DCC: variants seen among roughly 807,000 people sequenced by gnomAD.
DCC encodes the protein DCC netrin 1 receptor, also known as netrin receptor DCC.
A neutral mutation model predicts 172.5 loss-of-function variants in DCC; 58 were observed. The ratio of observed to expected loss-of-function variants is 0.34; its 90% CI spans 0.27 to 0.42. The LOEUF is 0.42. Ranked by LOEUF, DCC falls within the 10% of genes least tolerant of loss-of-function variation. The pLI, the probability that DCC is intolerant of heterozygous loss-of-function variation, is 1.00. For missense variants in DCC, 1,740 were observed against 1,791.0 expected (o/e 0.97, Z 0.51); for synonymous variants, 709 against 644.5 (o/e 1.10, Z -1.52).
chr18:52,777,156 G>T (rs548813878), intron 2 of DCC, among the ~76,000 whole-genome samples: 1 of 152,070 alleles, frequency 6.6e-6, no homozygotes, highest in Non-Finnish European at 1.5e-5. Context: ...CATCTGCCTC[G>T]CTAGTCTCAT....
At chr18:52,598,451 A>G (rs1240590572) in intron 1 of DCC, among the ~76,000 whole-genome samples, 2 of 152,192 alleles carry the variant, frequency 1.3e-5, no homozygotes, top group African/African-American at 4.8e-5. Flanking sequence ...TAAGAATTGC[A>G]TGGAGGCCCA....
At chr18:52,844,285 ATGAT>A (rs1197540274) in intron 2 of DCC, among the ~76,000 whole-genome samples, 2 of 149,156 alleles carry the variant, frequency 1.3e-5, no homozygotes, top group African/African-American at 2.5e-5. Flanking sequence ...GTTAAGAAGG[ATGAT>A]TGATTGATAG....
At chr18:52,591,787 C>CTTTTTTTTTTTTTTTT (rs370150482) in intron 1 of DCC, among the ~76,000 whole-genome samples, 1 of 125,138 alleles carries the variant, frequency 8.0e-6, no homozygotes. Flanking sequence ...TTATTTATTT[C>CTTTTTTTTTTTTTTTT]TTTTTTTTTT....
intron 5 of DCC, among the ~76,000 whole-genome samples, chr18:52,965,582 GT>G (rs1303249594): frequency 6.6e-6 from 1 of 151,924 alleles, no homozygotes. Flanking sequence ...TAATTTTTGT[GT>G]TTTTTTCTTT....
At chr18:53,461,164 G>A (rs563301452) in intron 24 of DCC, among the ~76,000 whole-genome samples, 53 of 152,270 alleles carry the variant, frequency 3.5e-4, no homozygotes, top group Non-Finnish European at 6.9e-4. Flanking sequence ...TGCGTTCATT[G>A]TAGATTCTGG....
At position 53,081,717 on chromosome 18, in the gene DCC, C is replaced by A. The variant is rs964708564; in HGVS notation, c.1261+15551C>A. 2.0e-5 allele frequency among the ~76,000 whole-genome samples: 3 copies of A among 152,060 alleles called. No individual in the cohort carries two copies. The East Asian group carries it at 5.8e-4, about 29-fold the overall frequency. On this transcript the variant is annotated intron_variant, in intron 7 of 28. Transcript: ENST00000442544. The stretch of plus-strand genomic sequence containing the variant: ...GCTTGTAAGCAGGCCCCCGCTTTTT[C>A]TATCTCGGGTGGCCAAATTATGTGT...
At chr18:52,666,853 C>A (rs1053375769) in intron 1 of DCC, among the ~76,000 whole-genome samples, 2 of 152,100 alleles carry the variant, frequency 1.3e-5, no homozygotes, top group Non-Finnish European at 2.9e-5. Context: ...ATACTTTTTT[C>A]CCCAGAAAAT....
At chr18:52,890,177 G>T (rs2039627674) in intron 2 of DCC, among the ~76,000 whole-genome samples, 2 of 152,146 alleles carry the variant, frequency 1.3e-5, no homozygotes, top group Non-Finnish European at 2.9e-5. Flanking sequence ...TATTTTAGCT[G>T]TGCATTCAAC....
At chr18:52,917,217 G>A (rs550010663) in intron 3 of DCC, among the ~76,000 whole-genome samples, 2 of 152,182 alleles carry the variant, frequency 1.3e-5, no homozygotes, top group African/African-American at 4.8e-5. Context: ...CTATTTGGGA[G>A]GCTGAGGTGG....
At chr18:53,102,013 C>T (rs906398800) in intron 7 of DCC, among the ~76,000 whole-genome samples, 12 of 152,060 alleles carry the variant, frequency 7.9e-5, no homozygotes, top group African/African-American at 2.7e-4. Flanking sequence ...GCAGGCCCTG[C>T]ATTAAGGCAA....
intron 1 of DCC, among the ~76,000 whole-genome samples, chr18:52,747,480 G>A (rs2036923985): frequency 6.6e-6 from 1 of 152,160 alleles, no homozygotes; most frequent in East Asian, 1.9e-4. Flanking sequence ...GTTTAGTTTT[G>A]ATTCTCAAAA....
intron 1 of DCC, among the ~76,000 whole-genome samples, chr18:52,369,881 A>G (rs567252737): frequency 6.6e-6 from 1 of 152,186 alleles, no homozygotes; most frequent in Non-Finnish European, 1.5e-5. Flanking sequence ...CCTGAATATG[A>G]TTGGGAAAAT....
intron 15 of DCC, among the ~76,000 whole-genome samples, chr18:53,380,107 T>A (rs1907599897): frequency 1.3e-5 from 2 of 152,216 alleles, no homozygotes; most frequent in South Asian, 4.1e-4. Flanking sequence ...CCATAATTAA[T>A]GATTAATTCA....
At chr18:53,272,850 C>T (rs1568405061) in intron 12 of DCC, among the ~76,000 whole-genome samples, 1 of 152,126 alleles carries the variant, frequency 6.6e-6, no homozygotes, top group African/African-American at 2.4e-5. Flanking sequence ...AAAAGCTGTT[C>T]TCTTTAAATA....
At chr18:52,963,116 AAAAAT>A (rs1189065276) in intron 5 of DCC, among the ~76,000 whole-genome samples, 4 of 151,804 alleles carry the variant, frequency 2.6e-5, no homozygotes, top group Admixed American at 6.6e-5. Flanking sequence ...ATAAAATTAA[AAAAAT>A]AAAAAAAAGT....
At chr18:52,827,066 G>A (rs1040665725) in intron 2 of DCC, among the ~76,000 whole-genome samples, 5 of 152,154 alleles carry the variant, frequency 3.3e-5, no homozygotes, top group African/African-American at 1.2e-4. Context: ...CCGGACTTGA[G>A]CATCCCCAGA....
Position 52,420,111 on chromosome 18 carries a change from A to G in DCC, c.91+79233A>G, listed in dbSNP as rs146579733. Among the ~76,000 whole-genome samples the G allele has an allele frequency of 7.7e-3, 1,179 of 152,304 alleles. 8 individuals are homozygous for G. The highest frequency in any genetic ancestry group is 0.011 in the Admixed American group (161 of 15,294). On this transcript the variant is annotated intron_variant, in intron 1 of 28. Coordinates refer to ENST00000442544, the MANE Select transcript of DCC (RefSeq NM_005215.4). ...TGTCCACATTATTTTTCGGTTTTGC[A>G]TATCCTGTACATTTTTAAATAATGG...
chr18:52,410,012 G>T (rs1369612853), intron 1 of DCC, among the ~76,000 whole-genome samples: 1 of 152,124 alleles, frequency 6.6e-6, no homozygotes, highest in African/African-American at 2.4e-5. Context: ...GCATCACCAG[G>T]ACATCCCCAC....
chr18:53,341,959 T>G lies in DCC; in HGVS notation c.2359+2052T>G, dbSNP rs557860013. 5.3e-5 allele frequency among the ~76,000 whole-genome samples: 8 copies of G among 152,158 alleles called. No homozygotes were observed. The South Asian group carries it at 1.7e-3, about 32-fold the overall frequency. On this transcript the variant is annotated intron_variant, in intron 15 of 28. Coordinates refer to ENST00000442544, the MANE Select transcript of DCC (RefSeq NM_005215.4). Reference sequence around the variant, plus strand: ...CTCTCTAGTCATTACATATACATAATAAAGAAAATGAAATTTTATGTTTTA... The same window carrying G: ...CTCTCTAGTCATTACATATACATAAGAAAGAAAATGAAATTTTATGTTTTA...
Sources: gnomAD v4.1 joint callset for allele counts (sites outside exome capture counted in the v4.1 genomes callset) on GRCh38, gnomAD v4.1.1 for gene constraint, MANE v1.5 for transcripts, NCBI Gene and HGNC (gene_info 2026-07-23, HGNC 2026-07-21) for gene names.